Variants in PRKAR1B observed in about 807,000 individuals in gnomAD.
PRKAR1B encodes the protein cAMP-dependent protein kinase type I-beta regulatory subunit.
In PRKAR1B, 22 loss-of-function variants were observed where a neutral mutation model predicts 46.5. That is an observed-to-expected ratio of 0.47 (90% confidence interval 0.34 to 0.68). The LOEUF is 0.68. PRKAR1B is among the 30% of genes least tolerant of loss of function. The pLI is 0.01. For missense variants in PRKAR1B, 445 were observed against 535.6 expected (o/e 0.83, Z 1.67); for synonymous variants, 259 against 217.7 (o/e 1.19, Z -1.67).
chr7:657,748 A>C (rs1785290577), intron 4 of PRKAR1B, among the ~76,000 whole-genome samples: 1 of 152,204 alleles, frequency 6.6e-6, no homozygotes, highest in African/African-American at 2.4e-5. Context: ...TTGAAGGACA[A>C]GCATGAACCA....
At chr7:698,703 C>A (rs1779904106) in intron 2 of PRKAR1B, among the ~76,000 whole-genome samples, 1 of 152,018 alleles carries the variant, frequency 6.6e-6, no homozygotes, top group Non-Finnish European at 1.5e-5. Flanking sequence ...GGTGTGCGCA[C>A]AGCTATGCAT....
chr7:639,746 T>G (rs566608614), intron 4 of PRKAR1B, among the ~76,000 whole-genome samples: 7 of 152,136 alleles, frequency 4.6e-5, no homozygotes, highest in African/African-American at 1.7e-4. Context: ...TCCCAGCTAT[T>G]CAGGAGGCTG....
chr7:624,291 G>C (rs1467818643), intron 4 of PRKAR1B, among the ~76,000 whole-genome samples: 1 of 152,160 alleles, frequency 6.6e-6, no homozygotes, highest in Non-Finnish European at 1.5e-5. Context: ...ACATTAGCCA[G>C]GCTTGGTGAC....
chr7:589,156 T>C (rs572646153), intron 7 of PRKAR1B, among the ~76,000 whole-genome samples: 19 of 151,374 alleles, frequency 1.3e-4, no homozygotes, highest in Non-Finnish European at 2.7e-4. Flanking sequence ...TGACTCCCCA[T>C]GCCCTTGGAC....
At chr7:631,282 A>C (rs1783721602) in intron 4 of PRKAR1B, among the ~76,000 whole-genome samples, 2 of 152,208 alleles carry the variant, frequency 1.3e-5, no homozygotes, top group African/African-American at 4.8e-5. Context: ...GCAGTTGTTC[A>C]AACAGCAAGA....
At chr7:551,768 G>T (rs868661358) in intron 9 of PRKAR1B, among the ~76,000 whole-genome samples, 52 of 143,034 alleles carry the variant, frequency 3.6e-4, no homozygotes, top group Non-Finnish European at 4.6e-4. Context: ...TCCCGCCCGG[G>T]TCCTTCCCTC....
At chr7:637,026 A>T (rs1784149228) in intron 4 of PRKAR1B, among the ~76,000 whole-genome samples, 1 of 152,102 alleles carries the variant, frequency 6.6e-6, no homozygotes, top group Admixed American at 6.6e-5. Context: ...GGTGGTTCAC[A>T]CCTAATCCCA....
intron 9 of PRKAR1B, among the ~76,000 whole-genome samples, chr7:573,288 G>T (rs542188722): frequency 2.0e-5 from 3 of 152,210 alleles, no homozygotes; most frequent in African/African-American, 4.8e-5. Flanking sequence ...CCCGGAGGAC[G>T]TGCAAGGCGC....
Position 680,575 on chromosome 7 carries a change from G to A in PRKAR1B, c.329C>T (p.Ala110Val). Residue 110 changes from alanine to valine, a missense_variant, in exon 3 of 11, where the codon GCC becomes GTC. Coordinates refer to ENST00000537384, the MANE Select transcript of PRKAR1B (RefSeq NM_001164760.2). Reference sequence around the variant, plus strand: ...CCTCACCTTCCTGACGTAGGACACGGCGTCCTCCTCGGTGTACACCTCGGC... The same window carrying A: ...CCTCACCTTCCTGACGTAGGACACGACGTCCTCCTCGGTGTACACCTCGGC... ...VSAEVYTEED[A>V]VSYVRKVIPK... The A allele has an allele frequency of 6.2e-7, 1 of 1,610,964 alleles. No individual in the cohort carries two copies. Among genetic ancestry groups the A allele is most frequent in the Non-Finnish European group, 8.5e-7 (1 of 1,179,434 alleles).
chr7:651,606 C>A (rs1489467841), intron 4 of PRKAR1B, among the ~76,000 whole-genome samples: 3 of 143,352 alleles, frequency 2.1e-5, no homozygotes, highest in East Asian at 4.1e-4. Context: ...ACCTGGGAAA[C>A]CCCCTGTCAG....
At chr7:564,334 C>T (rs1427445720) in intron 9 of PRKAR1B, among the ~76,000 whole-genome samples, 2 of 152,216 alleles carry the variant, frequency 1.3e-5, no homozygotes, top group African/African-American at 2.4e-5. Context: ...TCCCGTGGCT[C>T]CGTGGCCAGC....
At chr7:561,063 C>T (rs748040691) in intron 9 of PRKAR1B, among the ~76,000 whole-genome samples, 6 of 152,004 alleles carry the variant, frequency 3.9e-5, no homozygotes, top group East Asian at 1.9e-4. Flanking sequence ...TATTTGTGCA[C>T]GCAAACACCT....
At chr7:653,941 C>A (rs1785048376) in intron 4 of PRKAR1B, among the ~76,000 whole-genome samples, 2 of 151,662 alleles carry the variant, frequency 1.3e-5, no homozygotes, top group African/African-American at 4.9e-5. Context: ...CTATCTTCAT[C>A]TCCATCACCA....
intron 4 of PRKAR1B, among the ~76,000 whole-genome samples, chr7:635,336 C>T (rs1227092957): frequency 5.3e-5 from 8 of 152,236 alleles, no homozygotes; most frequent in Admixed American, 5.2e-4. Context: ...GGATCTGGGC[C>T]AGATGTCATG....
chr7:588,595 CGGTGGT>C (rs1334963080), intron 7 of PRKAR1B, among the ~76,000 whole-genome samples: 367 of 23,726 alleles, frequency 0.015, no homozygotes, highest in Middle Eastern at 0.045. Context: ...GTGGTGATGA[CGGTGGT>C]GATGGTGATG....
At chr7:703,564 G>C (rs1449381374) in intron 2 of PRKAR1B, among the ~76,000 whole-genome samples, 1 of 151,768 alleles carries the variant, frequency 6.6e-6, no homozygotes, top group African/African-American at 2.4e-5. Context: ...GCTGAGGCAG[G>C]AGAATGGCAC....
intron 7 of PRKAR1B, among the ~76,000 whole-genome samples, chr7:589,283 G>A (rs1192162463): frequency 2.0e-5 from 3 of 151,772 alleles, no homozygotes; most frequent in East Asian, 2.0e-4. Flanking sequence ...CCTCACCACC[G>A]CTCCACGGGT....
At chr7:684,509 T>C (rs545983584) in intron 2 of PRKAR1B, among the ~76,000 whole-genome samples, 2 of 152,262 alleles carry the variant, frequency 1.3e-5, no homozygotes, top group African/African-American at 4.8e-5. Context: ...ACCTGAAGCA[T>C]GGAATTTGAC....
intron 9 of PRKAR1B, among the ~76,000 whole-genome samples, chr7:558,613 A>G (rs1778596254): frequency 6.6e-6 from 1 of 151,722 alleles, no homozygotes; most frequent in Non-Finnish European, 1.5e-5. Flanking sequence ...AAAATTAGCC[A>G]GGCGTGGTGC....
Sources: allele counts gnomAD v4.1 joint callset (sites outside exome capture counted in the v4.1 genomes callset), GRCh38; gene constraint gnomAD v4.1.1; transcripts MANE v1.5; gene names NCBI Gene and HGNC (gene_info 2026-07-23, HGNC 2026-07-21).